The following DRGX variants were observed in gnomAD, a reference collection of about 807,000 sequenced individuals.
The protein encoded by DRGX is dorsal root ganglia homeobox.
DRGX carries 21 observed loss-of-function variants against 28.6 expected under a neutral mutation model. That is an observed-to-expected ratio of 0.73 (90% CI 0.52 to 1.06). The LOEUF (loss-of-function observed/expected upper bound fraction) is 1.06, where lower values mean the gene tolerates loss of function less well. Ranked by LOEUF, DRGX falls within the 50% of genes least tolerant of loss-of-function variation. The pLI is 0.00. For synonymous variants in DRGX, 136 were observed against 139.1 expected (o/e 0.98, Z 0.16); for missense variants, 354 against 343.9 (o/e 1.03, Z -0.23).
intron 3 of DRGX, 67 bp from the exon 4 acceptor site, chr10:49,390,301 T>A (rs761659592): frequency 3.7e-6 from 5 of 1,369,588 alleles, no homozygotes; most frequent in Non-Finnish European, 5.0e-6. Flanking sequence ...AGATGCATAT[T>A]TCAAATCTCC....
chr10:49,375,050 C>T (rs778186455), intron 6 of DRGX, among the ~76,000 whole-genome samples: 2 of 152,164 alleles, frequency 1.3e-5, no homozygotes, highest in Non-Finnish European at 2.9e-5. Context: ...TTGGTAGATG[C>T]CTACAATATT....
intron 6 of DRGX, among the ~76,000 whole-genome samples, chr10:49,374,885 G>A (rs1254076714): frequency 6.6e-6 from 1 of 152,174 alleles, no homozygotes; most frequent in African/African-American, 2.4e-5. Flanking sequence ...AACAAGAGTT[G>A]AACAGAAAAT....
intron 6 of DRGX, among the ~76,000 whole-genome samples, chr10:49,385,566 T>C (rs577242930): frequency 6.6e-6 from 1 of 152,256 alleles, no homozygotes; most frequent in South Asian, 2.1e-4. Context: ...CAACACAGAT[T>C]GCCACACTGT....
chr10:49,374,356 C>G (rs1849695471), intron 6 of DRGX, among the ~76,000 whole-genome samples: 1 of 152,166 alleles, frequency 6.6e-6, no homozygotes, highest in African/African-American at 2.4e-5. Flanking sequence ...TCACCAGCAA[C>G]CTTCTATTCA....
chr10:49,385,620 C>T (rs750568966), intron 6 of DRGX, among the ~76,000 whole-genome samples: 1 of 152,092 alleles, frequency 6.6e-6, no homozygotes, highest in Non-Finnish European at 1.5e-5. Flanking sequence ...TGGAGAGGGA[C>T]CCTCCTCGAG....
At chr10:49,389,953 C>A (rs990410143) in intron 4 of DRGX, among the ~76,000 whole-genome samples, 180 bp downstream of exon 4, 1 of 151,586 alleles carries the variant, frequency 6.6e-6, no homozygotes, top group Non-Finnish European at 1.5e-5. Flanking sequence ...TATGAATGAC[C>A]GATTAATCAA....
At chr10:49,370,450 C>G (rs548058472) in intron 6 of DRGX, among the ~76,000 whole-genome samples, 1 of 152,200 alleles carries the variant, frequency 6.6e-6, no homozygotes. Context: ...CAGGTGCCGT[C>G]GCTCCCTTTC....
Position 49,386,534 on chromosome 10 carries a change from G to A in DRGX, c.470C>T (p.Thr157Ile), listed in dbSNP as rs1323929420. The part of the protein sequence containing the change: ...GPFFPSCLPG[T>I]LLNTATYAQA... The stretch of plus-strand genomic sequence containing the variant: ...GGCGTAGGTGGCCGTGTTCAGGAGA[G>A]TCCCCGGCAAGCAGGAGGGGAAGAA... The change falls in exon 6 of 7, where the codon ACT (threonine) becomes ATT (isoleucine). Residue 157 changes from threonine (T) to isoleucine (I), a missense_variant. Coordinates refer to ENST00000374139, the MANE Select transcript of DRGX (RefSeq NM_001276451.2). 2 of 1,589,844 alleles carry A rather than the reference G, an allele frequency of 1.3e-6. No individual in the cohort carries two copies. The highest frequency in any genetic ancestry group is 3.6e-5 in the Admixed American group (2 of 56,276).
intron 4 of DRGX, among the ~76,000 whole-genome samples, chr10:49,388,362 C>T (rs1439200004): frequency 6.6e-6 from 1 of 152,252 alleles, no homozygotes; most frequent in East Asian, 1.9e-4. Context: ...CCCCTGGCTG[C>T]TGGCACACTG....
chr10:49,371,994 G>C (rs948189199), intron 6 of DRGX, among the ~76,000 whole-genome samples: 2 of 152,156 alleles, frequency 1.3e-5, no homozygotes, highest in Non-Finnish European at 2.9e-5. Context: ...GCTGAGAAAA[G>C]AGACAAAATT....
chr10:49,382,771 C>T (rs1461213444), intron 6 of DRGX, among the ~76,000 whole-genome samples: 1 of 152,190 alleles, frequency 6.6e-6, no homozygotes, highest in Non-Finnish European at 1.5e-5. Flanking sequence ...CCCTGGAATG[C>T]TTTGCCTATG....
At chr10:49,384,117 G>A (rs1333186617) in intron 6 of DRGX, among the ~76,000 whole-genome samples, 2 of 152,230 alleles carry the variant, frequency 1.3e-5, no homozygotes, top group Middle Eastern at 3.2e-3. Context: ...TCCTTGCTTA[G>A]CTGCTTCTGG....
rs549525670 is a variant in DRGX, at chr10:49,395,682, A to G, written c.-81-161T>C. On this transcript the variant is annotated intron_variant, in intron 1 of 6. Coordinates refer to ENST00000374139, the MANE Select transcript of DRGX (RefSeq NM_001276451.2). ...GGCGGCAGCCCCGTCGCAAGCAGCA[A>G]CCCCACAGGGCAGTCCTTCGGGTGT... Among the ~76,000 whole-genome samples, 398 of 152,044 alleles carry G rather than the reference A, an allele frequency of 2.6e-3. 2 individuals are homozygous for G. The highest frequency in any genetic ancestry group is 4.5e-3 in the Non-Finnish European group (303 of 67,970).
chr10:49,375,487 G>A (rs1849707199), intron 6 of DRGX, among the ~76,000 whole-genome samples: 1 of 152,204 alleles, frequency 6.6e-6, no homozygotes. Flanking sequence ...TCTTAACGAA[G>A]TTAACCAATC....
chr10:49,395,573 G>C, intron 1 of DRGX, 52 bp from the exon 2 acceptor site: 2 of 1,144,068 alleles, frequency 1.7e-6, no homozygotes, highest in East Asian at 2.6e-5. Flanking sequence ...CAGCGCTCCC[G>C]CCCAGCCCTA....
chr10:49,390,412 A>G (rs1849889684), intron 3 of DRGX, among the ~76,000 whole-genome samples, 178 bp from the exon 4 acceptor site: 1 of 152,164 alleles, frequency 6.6e-6, no homozygotes, highest in Non-Finnish European at 1.5e-5. Context: ...TCAACCGCGG[A>G]TGACTTAGGA....
At position 49,371,791 on chromosome 10, in the gene DRGX, C is replaced by CAAAAAAA. The variant is rs563658320; in HGVS notation, c.527-5417_527-5411dup. On this transcript the variant is annotated intron_variant, in intron 6 of 6. Transcript: ENST00000374139. ...TGGACAACAGAGTGAGACTCCATCT[C>CAAAAAAA]AAAAAAAAAAAAAAAAAAAAAAGCC... Among the ~76,000 whole-genome samples the CAAAAAAA allele has an allele frequency of 2.0e-4, 9 of 45,484 alleles. 1 individual carries two copies. Among genetic ancestry groups the CAAAAAAA allele is most frequent in the African/African-American group, 4.0e-4 (6 of 15,088 alleles). 29.8% of individuals were successfully genotyped at this position (45,484 alleles called of 152,430 possible). A position where few individuals can be genotyped will look rare whatever the true frequency, so the allele number is the denominator to read the frequency against.
In DRGX at chr10:49,386,876, A is replaced by G; in HGVS notation, c.235-18T>C. 6.6e-7 allele frequency: 1 copy of G among 1,524,532 alleles called. No individual in the cohort carries two copies. The highest frequency in any genetic ancestry group is 8.8e-7 in the Non-Finnish European group (1 of 1,138,224). The allele number at this position is 1,524,532 out of a possible 1,614,324, so 94.4% of individuals were successfully genotyped here. ...AACCAAACCTGAATCCCAGATGGAA[A>G]CATACACCCAGTGAAAATCAAACAG... On this transcript the variant is annotated intron_variant, in intron 4 of 6. Transcript: ENST00000374139.
intron 6 of DRGX, among the ~76,000 whole-genome samples, chr10:49,377,301 T>G (rs1029677527): frequency 1.3e-5 from 2 of 152,192 alleles, no homozygotes; most frequent in Non-Finnish European, 2.9e-5. Context: ...ATAGTGCCCT[T>G]AAAGTATAAA....
Sources: gnomAD v4.1 joint callset for allele counts (sites outside exome capture counted in the v4.1 genomes callset) on GRCh38, gnomAD v4.1.1 for gene constraint, MANE v1.5 for transcripts, NCBI Gene and HGNC (gene_info 2026-07-23, HGNC 2026-07-21) for gene names.